Variants in L1CAM observed in about 807,000 individuals in gnomAD.
The protein encoded by L1CAM is L1 cell adhesion molecule, also known as neural cell adhesion molecule L1.
In L1CAM, 8 loss-of-function variants were observed where a neutral mutation model predicts 93.0. The ratio of observed to expected loss-of-function variants is 0.09; its 90% CI spans 0.05 to 0.16. The LOEUF (loss-of-function observed/expected upper bound fraction) is 0.16. L1CAM is among the 10% of genes least tolerant of loss of function. L1CAM has a pLI of 1.00. For missense variants in L1CAM, 777 were observed against 1,073.4 expected, an observed-to-expected ratio of 0.72 and a Z score of 3.86; for synonymous variants, 453 against 453.0, an observed-to-expected ratio of 1.00 and a Z score of 0.00.
intron 5 of L1CAM, among the ~76,000 whole-genome samples, chrX:153,871,773 G>T (rs979179872): frequency 4.5e-5 from 5 of 110,756 alleles, no homozygotes; most frequent in African/African-American, 1.6e-4. Context: ...GAGAAGAGGG[G>T]CCCTGCTAAG....
Position 153,865,007 on chromosome X carries a change from A to G in L1CAM, c.2873-13T>C, listed in dbSNP as rs2064699178. 1 of 1,210,962 alleles carries G rather than the reference A, an allele frequency of 8.3e-7. No individual in the cohort carries two copies. Among genetic ancestry groups the G allele is most frequent in the Non-Finnish European group, 1.1e-6 (1 of 895,238 alleles). On this transcript the variant is annotated splice_polypyrimidine_tract_variant and intron_variant, in intron 22 of 28. Transcript: ENST00000370060. ...CCCCCCTCATCCACTGTGGGGACAG[A>G]CAGGGGTTGGCTGTGGCTGCAGCTC...
At position 153,872,575 on chromosome X, in the gene L1CAM, C is replaced by A; in HGVS notation, c.197+17G>T. 1 of 1,152,220 alleles carries A rather than the reference C, an allele frequency of 8.7e-7. No homozygotes were observed. Among genetic ancestry groups the A allele is most frequent in the Non-Finnish European group, 1.2e-6 (1 of 841,393 alleles). The allele number at this position is 1,152,220 out of a possible 1,213,427, so 95.0% of individuals were successfully genotyped here. A position where few individuals can be genotyped will look rare whatever the true frequency, so the allele number is the denominator to read the frequency against. ...CAGTGGCAGGCAACAGGGGCTGAGA[C>A]GGCAGAGATCACTCACTGCACTTCG... On this transcript the variant is annotated intron_variant, in intron 4 of 28. Transcript: ENST00000370060.
Position 153,865,014 on chromosome X carries a change from T to A in L1CAM, c.2873-20A>T. On this transcript the variant is annotated intron_variant, in intron 22 of 28. Transcript: ENST00000370060. ...CATCCACTGTGGGGACAGACAGGGG[T>A]TGGCTGTGGCTGCAGCTCTGCCCCC... The A allele has an allele frequency of 8.3e-7, 1 of 1,211,677 alleles. No individual in the cohort carries two copies. The highest frequency in any genetic ancestry group is 1.1e-6 in the Non-Finnish European group (1 of 895,294).
intron 3 of L1CAM, 148 bp downstream of exon 3, chrX:153,873,080 C>T (rs1046211556): frequency 7.5e-5 from 44 of 586,912 alleles, no homozygotes; most frequent in Non-Finnish European, 1.3e-4. Context: ...CAAAGCCAGC[C>T]CCACACAGGT....
rs1054968548 is a variant in L1CAM at position 153,862,474 on chromosome X, G to A, written c.*189C>T. On this transcript the variant is annotated 3_prime_UTR_variant, in exon 29 of 29. Transcript: ENST00000370060. ...ATGTGGGAGATCTGCCCAAGCTGGG[G>A]CAGAGCAGCGTGTGCCCAGGAAGGG... 2.4e-6 allele frequency: 1 copy of A among 418,157 alleles called. No homozygotes were observed. The highest frequency in any genetic ancestry group is 3.8e-5 in the East Asian group (1 of 26,335). 34.5% of individuals were successfully genotyped at this position (418,157 alleles called of 1,213,427 possible).
At chrX:153,882,136 G>A (rs781958102) in intron 1 of L1CAM, among the ~76,000 whole-genome samples, 7 of 111,791 alleles carry the variant, frequency 6.3e-5, no homozygotes, top group South Asian at 7.5e-4. Context: ...CAGGCCCCAC[G>A]GGCCCCCTCC....
At chrX:153,877,406 G>A (rs1181911095) in intron 1 of L1CAM, among the ~76,000 whole-genome samples, 5 of 106,965 alleles carry the variant, frequency 4.7e-5, no homozygotes, top group Admixed American at 1.0e-4. Context: ...AGGTTGCGGT[G>A]AGCGGAGATT....
At chrX:153,866,488 G>A (rs1013360775) in intron 19 of L1CAM, among the ~76,000 whole-genome samples, 161 bp downstream of exon 19, 7 of 111,730 alleles carry the variant, frequency 6.3e-5, no homozygotes, top group African/African-American at 2.3e-4. Flanking sequence ...GCCAATTATA[G>A]AAATGTGAAG....
Position 153,870,131 on chromosome X carries a change from C to T in L1CAM, c.916G>A (p.Asp306Asn). The T allele has an allele frequency of 8.3e-7, 1 of 1,212,082 alleles. No homozygotes were observed. Among genetic ancestry groups the T allele is most frequent in the Non-Finnish European group, 1.1e-6 (1 of 895,506 alleles). ...GCCAGGCAGCGGTACTCGCCATCAT[C>T]CTCCTCGCCCACTTTCAGCAGCTGC... ...TLQLLKVGEEDDGEYRCLAEN... is the reference protein window; with the variant it reads ...TLQLLKVGEENDGEYRCLAEN... Residue 306 changes from aspartate to asparagine, a missense_variant, in exon 9 of 29, where the codon GAT becomes AAT. By Grantham distance (23) the Asp-to-Asn change is conservative (BLOSUM62 1). Coordinates refer to ENST00000370060, the MANE Select transcript of L1CAM (RefSeq NM_001278116.2).
chrX:153,865,030 C>T, intron 22 of L1CAM, 36 bp from the exon 23 acceptor site: 1 of 1,211,929 alleles, frequency 8.3e-7, no homozygotes, highest in Non-Finnish European at 1.1e-6. Flanking sequence ...GTGGCTGCAG[C>T]TCTGCCCCCT....
intron 28 of L1CAM, 65 bp downstream of exon 28, chrX:153,863,303 C>T (rs2064680266): frequency 6.2e-6 from 7 of 1,131,288 alleles, no homozygotes; most frequent in Non-Finnish European, 8.5e-6. Context: ...GACAATGGCA[C>T]ACCAGGCGCA....
At chrX:153,883,727 G>A (rs782662582) in intron 1 of L1CAM, 1 of 338,745 alleles carries the variant, frequency 3.0e-6, no homozygotes, top group South Asian at 2.6e-5. Context: ...GTCTTGGCTG[G>A]GATCCCCATC....
In L1CAM at chrX:153,865,151, G is replaced by A. The variant is rs141213959; in HGVS notation, c.2809C>T (p.Arg937Cys). The change falls in exon 22 of 29, where the codon CGC (arginine) becomes TGC (cysteine). Residue 937 changes from arginine to cysteine, a missense_variant. Arg to Cys is a radical substitution (Grantham distance 180). This residue lies in a region of L1CAM where 71 missense variants were observed against 77.4 expected (regional missense o/e 0.92). Transcript: ENST00000370060. ...ECQSNTSLLL[R>C]WQPPLSHNGV... ...TTGTGGCTGAGTGGGGGCTGCCAGC[G>A]CAGCAGCAGGCTGGTGTTCGACTGG... 24 of 1,207,021 alleles carry A rather than the reference G, an allele frequency of 2.0e-5. No individual in the cohort carries two copies. The highest frequency in any genetic ancestry group is 2.6e-5 in the Non-Finnish European group (23 of 893,940).
Position 153,871,041 on chromosome X carries a change from G to A in L1CAM, c.523+16C>T, listed in dbSNP as rs1057523154. The A allele has an allele frequency of 8.3e-7, 1 of 1,211,091 alleles. No homozygotes were observed. Reference sequence around the variant, plus strand: ...AACACCCCGACCCCACGAGGCAGCCGCTCGCCGGCACCCACTGCTGTTCAT... The same window carrying A: ...AACACCCCGACCCCACGAGGCAGCCACTCGCCGGCACCCACTGCTGTTCAT... On this transcript the variant is annotated intron_variant, in intron 6 of 28. Coordinates refer to ENST00000370060, the MANE Select transcript of L1CAM (RefSeq NM_001278116.2).
chrX:153,883,824 C>T (rs1285946200), intron 1 of L1CAM: 4 of 343,086 alleles, frequency 1.2e-5, no homozygotes, highest in East Asian at 1.9e-4. Flanking sequence ...TCTGCGAGGC[C>T]GCATCACCCT....
intron 2 of L1CAM, among the ~76,000 whole-genome samples, chrX:153,873,564 T>A (rs1364937034): frequency 8.9e-6 from 1 of 112,184 alleles, no homozygotes; most frequent in Non-Finnish European, 1.9e-5. Flanking sequence ...TTCTTGCCTT[T>A]AACAAGGAGT....
At chrX:153,871,013 G>A (rs199616171) in intron 6 of L1CAM, 44 bp downstream of exon 6, 56 of 1,208,707 alleles carry the variant, frequency 4.6e-5, no homozygotes, top group South Asian at 7.0e-5. Context: ...AGACACCCCC[G>A]CTAACACCCC....
chrX:153,885,412 C>T, intron 1 of L1CAM: 1 of 981,929 alleles, frequency 1.0e-6, no homozygotes, highest in South Asian at 2.0e-5. Context: ...GGGGAGGAGC[C>T]CCTGGCTCTG....
chrX:153,864,067 A>G, intron 25 of L1CAM, 50 bp from the exon 26 acceptor site: 1 of 1,206,228 alleles, frequency 8.3e-7, no homozygotes. Flanking sequence ...CCAGAACCCG[A>G]CCTGAGGCCC....
Sources: allele counts gnomAD v4.1 joint callset (sites outside exome capture counted in the v4.1 genomes callset), GRCh38; gene constraint gnomAD v4.1.1; regional missense constraint gnomAD v4.1.1; transcripts MANE v1.5; gene names NCBI Gene and HGNC (gene_info 2026-07-23, HGNC 2026-07-21).